PLCH1: variants seen among roughly 807,000 people sequenced by gnomAD.
The protein encoded by PLCH1 is phospholipase C eta 1.
Under a neutral mutation model 126.7 loss-of-function variants are expected in PLCH1, and 60 were observed. That is an observed-to-expected ratio of 0.47 (90% CI 0.38 to 0.59). PLCH1 has a LOEUF of 0.59. PLCH1 is among the 20% of genes least tolerant of loss of function. The pLI is 0.00. For synonymous variants in PLCH1, 719 were observed against 734.9 expected (o/e 0.98, Z 0.35); for missense variants, 1,723 against 2,040.0 (o/e 0.84, Z 2.99).
chr3:155,601,819 C>T (rs2108680860), intron 2 of PLCH1, among the ~76,000 whole-genome samples: 1 of 152,208 alleles, frequency 6.6e-6, no homozygotes, highest in Non-Finnish European at 1.5e-5. Context: ...ACAACATTTC[C>T]ATTATCCCTC....
chr3:155,568,065 TC>T (rs1468741071), intron 7 of PLCH1, among the ~76,000 whole-genome samples, 165 bp downstream of exon 7: 1 of 152,192 alleles, frequency 6.6e-6, no homozygotes, highest in Non-Finnish European at 1.5e-5. Flanking sequence ...AACATCATGG[TC>T]TTTGCTTTGC....
In PLCH1 at chr3:155,549,877, G is replaced by A. The variant is rs531199464; in HGVS notation, c.1272C>T (p.Phe424=). 4.3e-6 allele frequency: 7 copies of A among 1,613,566 alleles called. No homozygotes were observed. Among genetic ancestry groups the A allele is most frequent in the South Asian group, 3.3e-5 (3 of 91,072 alleles). The change falls in exon 10 of 23, where the codon TTC becomes TTT. Residue 424 remains phenylalanine, a synonymous_variant. Coordinates refer to ENST00000460012, the MANE Select transcript of PLCH1 (RefSeq NM_014996.4). ...CAGATGACAGGTCCAGTTTGTCTCC[G>A]AATATTCCTTTCAGGTACTGAGCAA... The part of the protein sequence containing the change: ...RKIAQYLKGI[F]GDKLDLSSVD...
intron 2 of PLCH1, among the ~76,000 whole-genome samples, chr3:155,694,096 T>C (rs1425875417): frequency 3.9e-5 from 6 of 152,160 alleles, no homozygotes; most frequent in Non-Finnish European, 8.8e-5. Context: ...AGATTCAGTA[T>C]AAAATAGACT....
intron 6 of PLCH1, among the ~76,000 whole-genome samples, chr3:155,581,429 A>T (rs1286990710): frequency 6.6e-6 from 1 of 152,240 alleles, no homozygotes; most frequent in African/African-American, 2.4e-5. Flanking sequence ...ATATAAACAA[A>T]ATGTGGTATA....
intron 2 of PLCH1, among the ~76,000 whole-genome samples, chr3:155,696,309 C>T (rs1745794062): frequency 6.6e-6 from 1 of 152,160 alleles, no homozygotes; most frequent in African/African-American, 2.4e-5. Flanking sequence ...AAGGGACAAA[C>T]TGCAGTTTTT....
intron 1 of PLCH1, among the ~76,000 whole-genome samples, chr3:155,714,707 T>C (rs1218457218): frequency 2.0e-5 from 3 of 152,176 alleles, no homozygotes; most frequent in African/African-American, 7.2e-5. Context: ...GGATGCTGCA[T>C]TTGAAAGGGC....
intron 2 of PLCH1, among the ~76,000 whole-genome samples, chr3:155,671,952 A>G (rs1001993078): frequency 3.9e-5 from 6 of 152,350 alleles, no homozygotes; most frequent in Middle Eastern, 6.8e-3. Flanking sequence ...TAATAGTTCT[A>G]TAATATTGTG....
At position 155,709,820 on chromosome 3, in the gene PLCH1, G is replaced by A. The variant is rs115729481; in HGVS notation, c.-40-5556C>T. On this transcript the variant is annotated intron_variant, in intron 1 of 22. Coordinates refer to ENST00000460012, the MANE Select transcript of PLCH1 (RefSeq NM_014996.4). ...TTTTGCAGAGACAGGGTCCCATTAC[G>A]TTGCCCAGGCTGGTCTCAAACTTCT... Among the ~76,000 whole-genome samples, 248 of 152,192 alleles carry A rather than the reference G, an allele frequency of 1.6e-3. 1 individual carries two copies. Among genetic ancestry groups the A allele is most frequent in the African/African-American group, 5.2e-3 (217 of 41,514 alleles).
chr3:155,539,765 C>G (rs1259926422), intron 10 of PLCH1, among the ~76,000 whole-genome samples: 1 of 152,138 alleles, frequency 6.6e-6, no homozygotes, highest in South Asian at 2.1e-4. Flanking sequence ...GAAACACATT[C>G]CATGCTCAAG....
chr3:155,704,585 C>G (rs1746514412), intron 1 of PLCH1, among the ~76,000 whole-genome samples: 1 of 152,176 alleles, frequency 6.6e-6, no homozygotes, highest in South Asian at 2.1e-4. Flanking sequence ...AGCCTCACTC[C>G]TAGTAGTCCA....
At chr3:155,562,741 G>A (rs538096553) in intron 8 of PLCH1, among the ~76,000 whole-genome samples, 3 of 152,292 alleles carry the variant, frequency 2.0e-5, no homozygotes. Context: ...CTGAGTGGAT[G>A]ATGTTCTCTC....
intron 20 of PLCH1, 51 bp from the exon 21 acceptor site, chr3:155,488,158 T>G: frequency 8.8e-7 from 1 of 1,130,776 alleles, no homozygotes; most frequent in Non-Finnish European, 1.3e-6. Flanking sequence ...TGCATTTGGC[T>G]TTCTCATGGG....
chr3:155,704,709 G>C (rs1746523465), intron 1 of PLCH1, among the ~76,000 whole-genome samples: 1 of 152,168 alleles, frequency 6.6e-6, no homozygotes, highest in Non-Finnish European at 1.5e-5. Context: ...TGTCAGTACA[G>C]CATCCATGTG....
intron 1 of PLCH1, among the ~76,000 whole-genome samples, chr3:155,722,835 T>C (rs551200971): frequency 1.3e-5 from 2 of 152,332 alleles, no homozygotes; most frequent in South Asian, 2.1e-4. Flanking sequence ...AATGGCTTCA[T>C]AGAATGATTT....
chr3:155,624,354 C>T (rs1259777498), intron 2 of PLCH1, among the ~76,000 whole-genome samples: 11 of 152,078 alleles, frequency 7.2e-5, no homozygotes, highest in Admixed American at 2.0e-4. Flanking sequence ...ACAAGGATGC[C>T]CTCTCTCACC....
chr3:155,620,531 A>G (rs1430902822), intron 2 of PLCH1, among the ~76,000 whole-genome samples: 1 of 152,238 alleles, frequency 6.6e-6, no homozygotes, highest in Non-Finnish European at 1.5e-5. Context: ...GTATCACACA[A>G]TGGTGGCAGG....
At chr3:155,733,941 A>ATATATATG (rs1294610058) in intron 1 of PLCH1, among the ~76,000 whole-genome samples, 1 of 53,296 alleles carries the variant, frequency 1.9e-5, no homozygotes, top group African/African-American at 1.4e-4. Flanking sequence ...ATACATATAT[A>ATATATATG]TATATATATA....
chr3:155,604,190 T>A (rs543926662), intron 2 of PLCH1, among the ~76,000 whole-genome samples: 1 of 152,010 alleles, frequency 6.6e-6, no homozygotes, highest in Admixed American at 6.6e-5. Context: ...ATTATTATAG[T>A]TTATTCATAT....
In PLCH1 at chr3:155,481,485, C is replaced by A; in HGVS notation, c.4541G>T (p.Gly1514Val). The change falls in exon 23 of 23, where the codon GGC (glycine) becomes GTC (valine). Residue 1514 changes from glycine to valine, a missense_variant. This residue lies in a region of PLCH1 where 947 missense variants were observed against 977.1 expected (regional missense o/e 0.97). Transcript: ENST00000460012. The surrounding 1 kb of genome is among the most constrained non-coding windows in gnomAD (Gnocchi z 4.2). The part of the protein sequence containing the change: ...QCISKSFVTT[G>V]IRDKKGVTVK... The stretch of plus-strand genomic sequence containing the variant: ...AGTCACGCCCTTCTTGTCTCTAATG[C>A]CAGTTGTAACAAAACTCTTACTAAT... 1 of 1,614,094 alleles carries A rather than the reference C, an allele frequency of 6.2e-7. No individual in the cohort carries two copies. Among genetic ancestry groups the A allele is most frequent in the East Asian group, 2.2e-5 (1 of 44,872 alleles).
Sources: gnomAD v4.1 joint callset for allele counts (sites outside exome capture counted in the v4.1 genomes callset) on GRCh38, gnomAD v4.1.1 for gene constraint, gnomAD v4.1.1 regional missense constraint, Gnocchi (gnomAD v3.1) non-coding constraint, MANE v1.5 for transcripts, NCBI Gene and HGNC (gene_info 2026-07-23, HGNC 2026-07-21) for gene names.